The following SUGCT variants were observed in gnomAD, a reference collection of about 807,000 sequenced individuals.
The protein encoded by SUGCT is succinyl-CoA:glutarate CoA-transferase.
A neutral mutation model predicts 55.0 loss-of-function variants in SUGCT; 41 were observed. The ratio of observed to expected loss-of-function variants is 0.74; its 90% CI spans 0.58 to 0.97. The LOEUF is 0.97. SUGCT is among the 50% of genes least tolerant of loss of function. SUGCT has a pLI of 0.00. For synonymous variants in SUGCT, 187 were observed against 200.4 expected (o/e 0.93, Z 0.56); for missense variants, 568 against 547.8 (o/e 1.04, Z -0.37).
intron 13 of SUGCT, among the ~76,000 whole-genome samples, chr7:40,780,464 C>A (rs1304513553): frequency 6.6e-6 from 1 of 152,172 alleles, no homozygotes; most frequent in Non-Finnish European, 1.5e-5. Context: ...GAAATCCCAG[C>A]AGTTACCCAT....
At chr7:40,721,396 T>TA (rs1786329682) in intron 12 of SUGCT, among the ~76,000 whole-genome samples, 1 of 152,316 alleles carries the variant, frequency 6.6e-6, no homozygotes, top group East Asian at 1.9e-4. Context: ...TTAAGCCTTT[T>TA]GAATAGTTTG....
intron 9 of SUGCT, among the ~76,000 whole-genome samples, chr7:40,317,528 C>G (rs1795506942): frequency 6.6e-6 from 1 of 152,162 alleles, no homozygotes; most frequent in South Asian, 2.1e-4. Flanking sequence ...TACTCTATTG[C>G]AAACTCTTAA....
At chr7:41,018,932 G>A in the SUGCT span, among the ~76,000 whole-genome samples, 1 of 146,462 alleles carries the variant, frequency 6.8e-6, no homozygotes, top group South Asian at 2.1e-4. Context: ...TTGAGACGGA[G>A]TCTCACTCTG....
At chr7:40,230,878 G>A (rs1788684307) in intron 6 of SUGCT, among the ~76,000 whole-genome samples, 1 of 152,158 alleles carries the variant, frequency 6.6e-6, no homozygotes, top group African/African-American at 2.4e-5. Context: ...CCTTGAGTAG[G>A]TTAGTTAACC....
intron 7 of SUGCT, among the ~76,000 whole-genome samples, chr7:40,268,646 G>T (rs1791777082): frequency 6.7e-6 from 1 of 148,540 alleles, no homozygotes. Context: ...TCATTTTCTT[G>T]TTTTTAATTT....
the SUGCT span, among the ~76,000 whole-genome samples, chr7:40,888,682 A>C: frequency 1.3e-5 from 2 of 152,202 alleles, no homozygotes; most frequent in Non-Finnish European, 2.9e-5. Context: ...CAGGGACTAC[A>C]GGCATGGGTT....
chr7:40,670,887 AATTAAAAGAGGACAGAGC>A (rs1431275329), intron 12 of SUGCT, among the ~76,000 whole-genome samples: 1 of 152,174 alleles, frequency 6.6e-6, no homozygotes, highest in African/African-American at 2.4e-5. Flanking sequence ...AACCTCTAGA[AATTAAAAGAGGACAGAGC>A]ACTTCCAGTT....
the SUGCT span, among the ~76,000 whole-genome samples, chr7:40,866,295 C>T: frequency 1.2e-4 from 18 of 152,204 alleles, no homozygotes; most frequent in African/African-American, 3.9e-4. Flanking sequence ...CACATTCACC[C>T]TGACGGTCCT....
At chr7:40,172,854 T>G (rs1784741278) in intron 1 of SUGCT, among the ~76,000 whole-genome samples, 1 of 152,158 alleles carries the variant, frequency 6.6e-6, no homozygotes, top group African/African-American at 2.4e-5. Context: ...ACCTGAGTGT[T>G]AAGTCCAGCA....
the SUGCT span, among the ~76,000 whole-genome samples, chr7:41,032,725 CTTTTCAGTGGGGTAAAAACA>C: frequency 1.3e-5 from 2 of 152,256 alleles, no homozygotes; most frequent in South Asian, 4.2e-4. Context: ...GAAGTGAGTG[CTTTTCAGTGGGGTAAAAACA>C]AAAAACCCCA....
chr7:40,686,533 G>A (rs1367575676), intron 12 of SUGCT, among the ~76,000 whole-genome samples: 3 of 152,148 alleles, frequency 2.0e-5, no homozygotes, highest in African/African-American at 7.2e-5. Context: ...TAAGCTGACT[G>A]GGAGCTTTGT....
chr7:40,249,312 G>GCTATCTATATCTATATATATATATCTAT (rs1421104147), intron 7 of SUGCT, among the ~76,000 whole-genome samples: 49 of 22,214 alleles, frequency 2.2e-3, no homozygotes, highest in Middle Eastern at 0.025. Context: ...ACACCAAAAA[G>GCTATCTATATCTATATATATATATCTAT]CTATATATAT....
At chr7:40,402,673 C>A (rs1012379808) in intron 9 of SUGCT, among the ~76,000 whole-genome samples, 1 of 151,720 alleles carries the variant, frequency 6.6e-6, no homozygotes, top group Non-Finnish European at 1.5e-5. Context: ...AATGGGAATC[C>A]ATGTATGTAT....
chr7:40,347,702 G>A (rs994651220), intron 9 of SUGCT, among the ~76,000 whole-genome samples: 1 of 152,108 alleles, frequency 6.6e-6, no homozygotes, highest in African/African-American at 2.4e-5. Flanking sequence ...AATCAACATA[G>A]TTTAGTTATA....
chr7:40,274,644 A>G lies in SUGCT; in HGVS notation c.708A>G (p.Leu236=), dbSNP rs4637704. Reference sequence around the variant, plus strand: ...AAGGACTGTTCATTGATTGTAACCTACTGTCATCCCAGGTAACAATCCAAC... The same window carrying G: ...AAGGACTGTTCATTGATTGTAACCTGCTGTCATCCCAGGTAACAATCCAAC... ...TGKGLFIDCN[L]LSSQVACLSH... The change falls in exon 8 of 14, where the codon CTA becomes CTG. Residue 236 remains leucine, a synonymous_variant. Transcript: ENST00000335693. 506,272 of 1,611,442 alleles carry G rather than the reference A, an allele frequency of 0.31. 81,396 individuals carry two copies. Among genetic ancestry groups the G allele is most frequent in the East Asian group, 0.47 (21,130 of 44,810 alleles).
chr7:40,529,284 G>A (rs1004199011), intron 12 of SUGCT, among the ~76,000 whole-genome samples: 1 of 152,210 alleles, frequency 6.6e-6, no homozygotes, highest in African/African-American at 2.4e-5. Context: ...TGACATTGGG[G>A]TGGCTAATGG....
the SUGCT span, among the ~76,000 whole-genome samples, chr7:40,945,632 T>C: frequency 6.6e-6 from 1 of 152,160 alleles, no homozygotes; most frequent in Non-Finnish European, 1.5e-5. Flanking sequence ...AGCCCAGCAC[T>C]GCACCTGTGG....
At chr7:40,776,091 C>T (rs935501761) in intron 13 of SUGCT, among the ~76,000 whole-genome samples, 6 of 152,146 alleles carry the variant, frequency 3.9e-5, no homozygotes, top group East Asian at 3.9e-4. Flanking sequence ...AGGTGCCCAG[C>T]GGTTGTCCCC....
the SUGCT span, among the ~76,000 whole-genome samples, chr7:41,000,472 C>A: frequency 6.6e-6 from 1 of 150,792 alleles, no homozygotes; most frequent in Non-Finnish European, 1.5e-5. Context: ...TTAGACTCTG[C>A]CTAACTTAGT....
Sources: gnomAD v4.1 joint callset for allele counts (sites outside exome capture counted in the v4.1 genomes callset) on GRCh38, gnomAD v4.1.1 for gene constraint, MANE v1.5 for transcripts, NCBI Gene and HGNC (gene_info 2026-07-23, HGNC 2026-07-21) for gene names.